Variants in CFAP46 observed in about 807,000 individuals in gnomAD.
CFAP46 encodes cilia- and flagella-associated protein 46.
In CFAP46, 245 loss-of-function variants were observed where a neutral mutation model predicts 325.7. The observed-to-expected ratio is 0.75, with a 90% CI of 0.68 to 0.84. The LOEUF (loss-of-function observed/expected upper bound fraction) is 0.84. CFAP46 is among the 40% of genes least tolerant of loss of function. The pLI, the probability that CFAP46 is intolerant of heterozygous loss-of-function variation, is 0.00. For missense variants in CFAP46, 3,346 were observed against 3,543.0 expected (o/e 0.94, Z 1.41); for synonymous variants, 1,523 against 1,495.9 (o/e 1.02, Z -0.42).
rs73393250 is a variant in CFAP46, at chr10:132,885,122, T to C, written c.3608A>G (p.Asn1203Ser). 67,891 of 1,548,046 alleles carry C rather than the reference T, an allele frequency of 0.044. 4,999 individuals are homozygous for C. Among genetic ancestry groups the C allele is most frequent in the African/African-American group, 0.32 (23,337 of 72,950 alleles). ...TCACACCTGCAAGGCCTGGATGGCGTTGTTGTAGCAGGCCAGCTCTCCAGA... is the reference window on the plus strand; with the variant it reads ...TCACACCTGCAAGGCCTGGATGGCGCTGTTGTAGCAGGCCAGCTCTCCAGA... ...SVSGELACYN[N>S]AIQALQKPEM... is the part of the protein sequence containing the mutation. Residue 1203 changes from asparagine (N) to serine (S), a missense_variant, in exon 27 of 58, where the codon AAC becomes AGC. Asn to Ser is a conservative substitution (Grantham distance 46). Coordinates refer to ENST00000368586, the MANE Select transcript of CFAP46 (RefSeq NM_001200049.3).
At chr10:132,910,443 G>A (rs1006851394) in intron 19 of CFAP46, among the ~76,000 whole-genome samples, 6 of 152,256 alleles carry the variant, frequency 3.9e-5, no homozygotes, top group African/African-American at 1.4e-4. Context: ...CGTGAAATCT[G>A]CCACGTGCTT....
intron 55 of CFAP46, 132 bp downstream of exon 55, chr10:132,812,653 G>A: frequency 1.6e-6 from 1 of 639,912 alleles, no homozygotes. Context: ...GTCACAGAGG[G>A]TGGGGGGCAG....
At position 132,886,867 on chromosome 10, in the gene CFAP46, T is replaced by C. The variant is rs1008320887; in HGVS notation, c.3305-908A>G. Among the ~76,000 whole-genome samples the C allele has an allele frequency of 6.6e-6, 1 of 151,966 alleles. No individual in the cohort carries two copies. Among genetic ancestry groups the C allele is most frequent in the Non-Finnish European group, 1.5e-5 (1 of 67,966 alleles). On this transcript the variant is annotated intron_variant, in intron 25 of 57. Coordinates refer to ENST00000368586, the MANE Select transcript of CFAP46 (RefSeq NM_001200049.3). The surrounding 1 kb of genome is among the most constrained non-coding windows in gnomAD (Gnocchi z 5.8). ...CCCAACACAGCCATGGCGACTAGAATGCTGACGCGTCCCCTCCCCGTCATG... is the reference window on the plus strand; with the variant it reads ...CCCAACACAGCCATGGCGACTAGAACGCTGACGCGTCCCCTCCCCGTCATG...
At chr10:132,900,809 T>C (rs1166439086) in intron 22 of CFAP46, among the ~76,000 whole-genome samples, 1 of 152,260 alleles carries the variant, frequency 6.6e-6, no homozygotes, top group Non-Finnish European at 1.5e-5. Flanking sequence ...CTTCCATCTG[T>C]AGCCTCAGTG....
At chr10:132,922,944 G>A (rs1020784457) in intron 11 of CFAP46, among the ~76,000 whole-genome samples, 3 of 152,250 alleles carry the variant, frequency 2.0e-5, no homozygotes, top group African/African-American at 4.8e-5. Context: ...AGCTCACGAC[G>A]GCAGCCCCTG....
rs772270886 is a variant in CFAP46 at position 132,878,134 on chromosome 10, C to T, written c.4006-47G>A. On this transcript the variant is annotated intron_variant, in intron 29 of 57. Transcript: ENST00000368586. The stretch of plus-strand genomic sequence containing the variant: ...TTTGCAGCACTGAAAACCCACCCAC[C>T]GCCCACTCTGCCCACCCTCCACTCC... The T allele has an allele frequency of 1.9e-4, 282 of 1,520,270 alleles. 1 individual carries two copies. The Middle Eastern group carries it at 3.1e-3, about 17-fold the overall frequency. 94.2% of individuals were successfully genotyped at this position (1,520,270 alleles called of 1,614,324 possible).
chr10:132,942,354 G>C, intron 1 of CFAP46, 82 bp downstream of exon 1: 1 of 1,236,272 alleles, frequency 8.1e-7, no homozygotes, highest in Non-Finnish European at 1.1e-6. Flanking sequence ...GGGATGAGAG[G>C]GTCCGGGGCC....
chr10:132,862,821 G>A (rs576666790), intron 35 of CFAP46, among the ~76,000 whole-genome samples: 27 of 151,290 alleles, frequency 1.8e-4, no homozygotes, highest in Non-Finnish European at 2.8e-4. Flanking sequence ...CGGGGCGGCC[G>A]GGCTGCACTG....
chr10:132,822,923 G>A (rs1847908418), intron 50 of CFAP46, among the ~76,000 whole-genome samples: 1 of 133,868 alleles, frequency 7.5e-6, no homozygotes, highest in Non-Finnish European at 1.6e-5. Flanking sequence ...GAGTGCTGAT[G>A]TGTGCTGATG....
chr10:132,933,768 T>C (rs1374917803), intron 8 of CFAP46, among the ~76,000 whole-genome samples: 3 of 152,234 alleles, frequency 2.0e-5, no homozygotes, highest in African/African-American at 7.2e-5. Context: ...CTAGCACTGA[T>C]GAAGCAAGCT....
intron 44 of CFAP46, among the ~76,000 whole-genome samples, chr10:132,838,854 C>T (rs989805914): frequency 6.6e-6 from 1 of 152,268 alleles, no homozygotes; most frequent in East Asian, 1.9e-4. Context: ...CAGGGAGCCT[C>T]AGCTGCCCCC....
In CFAP46 at chr10:132,938,727, G is replaced by A; in HGVS notation, c.398C>T (p.Ser133Leu). The A allele has an allele frequency of 6.2e-7, 1 of 1,613,430 alleles. No homozygotes were observed. The part of the protein sequence containing the change: ...PRYYFLVYNA[S>L]VLYWQMVRPF... Reference sequence around the variant, plus strand: ...CCTCACCATCTGCCAGTAGAGGACTGATGCATTGTACACCAAAAAGTAGTA... The same window carrying A: ...CCTCACCATCTGCCAGTAGAGGACTAATGCATTGTACACCAAAAAGTAGTA... Residue 133 changes from serine to leucine, a missense_variant, in exon 5 of 58, where the codon TCA becomes TTA. Coordinates refer to ENST00000368586, the MANE Select transcript of CFAP46 (RefSeq NM_001200049.3).
Position 132,937,566 on chromosome 10 carries a change from T to C in CFAP46, c.646A>G (p.Ile216Val). The C allele has an allele frequency of 1.2e-6, 2 of 1,613,620 alleles. No homozygotes were observed. The highest frequency in any genetic ancestry group is 1.7e-6 in the Non-Finnish European group (2 of 1,179,984). The part of the protein sequence containing the change: ...KSHVPQKYRQ[I>V]FSVMVRHELM... Reference sequence around the variant, plus strand: ...CGCTGATTTACCATAACAGAGAATATCTGCCGGTATTTCTGTGGCACGTGA... The same window carrying C: ...CGCTGATTTACCATAACAGAGAATACCTGCCGGTATTTCTGTGGCACGTGA... Residue 216 changes from isoleucine to valine, a missense_variant, in exon 6 of 58, where the codon ATA (isoleucine) becomes GTA (valine). By Grantham distance (29) the Ile-to-Val change is conservative. Coordinates refer to ENST00000368586, the MANE Select transcript of CFAP46 (RefSeq NM_001200049.3).
rs554588514 is a variant in CFAP46 at position 132,834,592 on chromosome 10, C to T, written c.6866+62G>A. 3.8e-6 allele frequency: 6 copies of T among 1,585,972 alleles called. 1 individual carries two copies. In the African/African-American group the frequency reaches 6.7e-5, roughly 18 times the overall value. On this transcript the variant is annotated intron_variant, in intron 48 of 57. Coordinates refer to ENST00000368586, the MANE Select transcript of CFAP46 (RefSeq NM_001200049.3). ...CAAGCACACGTGGTTGGCCACAGCA[C>T]TGGACACACGTGTCCATGCGTGAGC...
chr10:132,908,424 C>T (rs1193316238), intron 22 of CFAP46, 44 bp downstream of exon 22: 1 of 1,548,236 alleles, frequency 6.5e-7, no homozygotes, highest in African/African-American at 1.4e-5. Context: ...CCTGCGCTCC[C>T]TGCCCGTTTT....
chr10:132,874,007 C>A (rs1259993417), intron 31 of CFAP46, among the ~76,000 whole-genome samples: 1 of 152,088 alleles, frequency 6.6e-6, no homozygotes, highest in Non-Finnish European at 1.5e-5. Flanking sequence ...AAAATTTTCC[C>A]AAACAGAAGC....
intron 44 of CFAP46, among the ~76,000 whole-genome samples, chr10:132,839,717 T>C (rs1042049157): frequency 1.3e-5 from 2 of 152,228 alleles, no homozygotes; most frequent in African/African-American, 4.8e-5. Context: ...TGAGTTGATG[T>C]TGGATTTTGA....
At chr10:132,854,153 T>C (rs1848603719) in intron 39 of CFAP46, among the ~76,000 whole-genome samples, 1 of 152,212 alleles carries the variant, frequency 6.6e-6, no homozygotes, top group Non-Finnish European at 1.5e-5. Context: ...GTGCTGTAAA[T>C]TTCCATCTCG....
chr10:132,848,203 G>A (rs1293448177), intron 41 of CFAP46, among the ~76,000 whole-genome samples: 1 of 152,146 alleles, frequency 6.6e-6, no homozygotes, highest in Non-Finnish European at 1.5e-5. Context: ...GTGAGAAACA[G>A]TCGCCTTGAA....
Sources: gnomAD v4.1 joint callset for allele counts (sites outside exome capture counted in the v4.1 genomes callset) on GRCh38, gnomAD v4.1.1 for gene constraint, Gnocchi (gnomAD v3.1) non-coding constraint, MANE v1.5 for transcripts, NCBI Gene and HGNC (gene_info 2026-07-23, HGNC 2026-07-21) for gene names.